The following SAMMSON variants were observed in gnomAD, a reference collection of about 807,000 sequenced individuals.
The protein encoded by SAMMSON is survival associated mitochondrial melanoma specific oncogenic non-coding RNA.
intron 4 of SAMMSON, among the ~76,000 whole-genome samples, chr3:70,226,773 G>A (rs891546289): frequency 6.6e-6 from 1 of 150,920 alleles, no homozygotes; most frequent in Non-Finnish European, 1.5e-5. Flanking sequence ...GCAATTTCCA[G>A]GTGGCAATTA....
intron 4 of SAMMSON, among the ~76,000 whole-genome samples, chr3:70,220,410 C>A (rs532929865): frequency 6.6e-6 from 1 of 152,072 alleles, no homozygotes; most frequent in Admixed American, 6.6e-5. Context: ...CTCCACTCCA[C>A]CTGGGAGACA....
intron 9 of SAMMSON, among the ~76,000 whole-genome samples, chr3:70,362,393 C>T (rs932068056): frequency 6.6e-6 from 1 of 151,982 alleles, no homozygotes; most frequent in African/African-American, 2.4e-5. Flanking sequence ...CTTGTGGAGC[C>T]CAGAACACGT....
intron 6 of SAMMSON, among the ~76,000 whole-genome samples, chr3:70,282,520 C>A (rs901603967): frequency 3.9e-5 from 6 of 152,216 alleles, no homozygotes; most frequent in Non-Finnish European, 5.9e-5. Flanking sequence ...TCTTATCACT[C>A]AGCCTGGTTC....
upstream of SAMMSON, chr3:69,999,715 C>CG (rs2066897829): frequency 6.6e-6 from 1 of 152,158 alleles, no homozygotes; most frequent in African/African-American, 2.4e-5. Flanking sequence ...ATAAAAACCG[C>CG]CCCCCGCAGG....
At chr3:70,006,233 C>T (rs182949567) in intron 1 of SAMMSON, among the ~76,000 whole-genome samples, 4 of 152,058 alleles carry the variant, frequency 2.6e-5, no homozygotes, top group African/African-American at 7.2e-5. Context: ...TATCAGTTTG[C>T]GTAATAAAAA....
intron 6 of SAMMSON, among the ~76,000 whole-genome samples, chr3:70,268,074 T>C: frequency 6.6e-6 from 1 of 151,238 alleles, no homozygotes; most frequent in Non-Finnish European, 1.5e-5. Context: ...ATTTAAGGAC[T>C]TCATTGTTTT....
intron 7 of SAMMSON, among the ~76,000 whole-genome samples, chr3:70,331,526 A>C (rs1350929046): frequency 6.6e-6 from 1 of 152,214 alleles, no homozygotes; most frequent in African/African-American, 2.4e-5. Context: ...ACCTCACTGT[A>C]CTTTATGATA....
intron 2 of SAMMSON, among the ~76,000 whole-genome samples, chr3:70,395,283 C>T (rs1435745491): frequency 6.6e-6 from 1 of 151,568 alleles, no homozygotes; most frequent in Non-Finnish European, 1.5e-5. Context: ...GAATAAGAAC[C>T]CACTCACTGC....
At chr3:70,205,620 T>C (rs7430964) in intron 4 of SAMMSON, 151,599 of 152,160 alleles carry the variant, frequency 1, 75,523 homozygotes, top group East Asian at 1. Context: ...GACTAAAATT[T>C]AGAGATGGTA....
chr3:70,000,114 G>A (rs1198668703), intron 1 of SAMMSON, among the ~76,000 whole-genome samples: 1 of 152,186 alleles, frequency 6.6e-6, no homozygotes, highest in Non-Finnish European at 1.5e-5. Context: ...AACACAAGCT[G>A]CCTATAGACG....
chr3:70,121,700 G>A (rs1559518521), intron 4 of SAMMSON, among the ~76,000 whole-genome samples: 1 of 152,156 alleles, frequency 6.6e-6, no homozygotes, highest in Non-Finnish European at 1.5e-5. Context: ...ACAAAATAGT[G>A]CTGAATTTCC....
chr3:70,113,033 C>T (rs2067395858), intron 4 of SAMMSON, among the ~76,000 whole-genome samples: 1 of 152,046 alleles, frequency 6.6e-6, no homozygotes, highest in Admixed American at 6.6e-5. Flanking sequence ...TTTATAACAT[C>T]AAATTGAAGA....
chr3:70,233,144 G>C (rs538696902), intron 4 of SAMMSON, among the ~76,000 whole-genome samples: 1 of 152,166 alleles, frequency 6.6e-6, no homozygotes, highest in Non-Finnish European at 1.5e-5. Flanking sequence ...AGCCAAGATC[G>C]CGCCACTGCA....
intron 7 of SAMMSON, among the ~76,000 whole-genome samples, chr3:70,308,694 C>T (rs1227558010): frequency 6.6e-6 from 1 of 152,152 alleles, no homozygotes; most frequent in East Asian, 1.9e-4. Flanking sequence ...TTCTCTGCCA[C>T]ACTTACACCT....
chr3:70,227,611 G>C (rs1701520340), intron 4 of SAMMSON, among the ~76,000 whole-genome samples: 1 of 152,162 alleles, frequency 6.6e-6, no homozygotes, highest in Non-Finnish European at 1.5e-5. Flanking sequence ...AAAGGTATTA[G>C]GTTTTTGCCA....
chr3:70,395,780 G>A (rs17732368), intron 2 of SAMMSON, among the ~76,000 whole-genome samples: 5,256 of 152,030 alleles, frequency 0.035, 115 homozygotes, highest in South Asian at 0.096. Context: ...AAGTACCCTG[G>A]GTTAGGAGTC....
chr3:70,383,633 C>T (rs1319352672), intron 9 of SAMMSON, among the ~76,000 whole-genome samples: 1 of 151,916 alleles, frequency 6.6e-6, no homozygotes, highest in Admixed American at 6.6e-5. Context: ...CATTTTCCCT[C>T]CCAAAAACTG....
intron 4 of SAMMSON, among the ~76,000 whole-genome samples, chr3:70,164,825 T>A (rs2106695148): frequency 6.6e-6 from 1 of 152,184 alleles, no homozygotes; most frequent in African/African-American, 2.4e-5. Context: ...CATTTTAATG[T>A]TATTGTTCTT....
intron 6 of SAMMSON, among the ~76,000 whole-genome samples, chr3:70,257,580 A>G (rs529351169): frequency 7.9e-5 from 12 of 152,280 alleles, no homozygotes; most frequent in Admixed American, 2.0e-4. Flanking sequence ...AAACCCATGA[A>G]ATACTGAGGA....
Sources: gnomAD v4.1 joint callset for allele counts (sites outside exome capture counted in the v4.1 genomes callset) on GRCh38, gnomAD v4.1.1 for gene constraint, MANE v1.5 for transcripts, NCBI Gene and HGNC (gene_info 2026-07-23, HGNC 2026-07-21) for gene names.